Variants in COL27A1 observed in about 807,000 individuals in gnomAD.
COL27A1 encodes collagen type XXVII alpha 1 chain.
A neutral mutation model predicts 251.3 loss-of-function variants in COL27A1; 106 were observed. The ratio of observed to expected loss-of-function variants is 0.42; its 90% confidence interval spans 0.36 to 0.50. COL27A1 has a LOEUF of 0.50. Ranked by LOEUF, COL27A1 falls within the 20% of genes least tolerant of loss-of-function variation. The pLI is 0.00. For missense variants in COL27A1, 2,325 were observed against 2,522.8 expected, an observed-to-expected ratio of 0.92 and a Z score of 1.68; for synonymous variants, 1,000 against 986.3, an observed-to-expected ratio of 1.01 and a Z score of -0.26.
chr9:114,226,035 G>A (rs1475174107), intron 14 of COL27A1, among the ~76,000 whole-genome samples: 1 of 152,160 alleles, frequency 6.6e-6, no homozygotes, highest in East Asian at 1.9e-4. Context: ...CCTCCACACA[G>A]CCCTCTTTGA....
chr9:114,270,796 AG>A lies in COL27A1; in HGVS notation c.3609+18del. ...ATGGGCTGAAGGTAAGTGCCCTTTT[AG>A]GGCAGGGCCTGGGGACCCCGGCAGG... On this transcript the variant is annotated intron_variant, in intron 36 of 60. Coordinates refer to ENST00000356083, the MANE Select transcript of COL27A1 (RefSeq NM_032888.4). 6.2e-7 allele frequency: 1 copy of A among 1,608,480 alleles called. No homozygotes were observed.
At chr9:114,289,139 C>A (rs1327242412) in intron 44 of COL27A1, 103 bp from the exon 45 acceptor site, 1 of 1,274,538 alleles carries the variant, frequency 7.8e-7, no homozygotes, top group Admixed American at 2.2e-5. Context: ...AGAACCTGCA[C>A]CCCCAAACCC....
chr9:114,240,173 TC>T (rs1489810813), intron 19 of COL27A1, 46 bp from the exon 20 acceptor site: 1 of 1,540,134 alleles, frequency 6.5e-7, no homozygotes, highest in South Asian at 1.1e-5. Context: ...CCCGTAGCAC[TC>T]CCTTCACAGC....
At chr9:114,184,202 C>A (rs144206475) in intron 5 of COL27A1, among the ~76,000 whole-genome samples, 3 of 152,236 alleles carry the variant, frequency 2.0e-5, no homozygotes, top group Non-Finnish European at 2.9e-5. Context: ...AGAGCACCCC[C>A]GTGCTTTGGT....
chr9:114,275,782 C>G lies in COL27A1; in HGVS notation c.3717+14C>G, dbSNP rs916045242. On this transcript the variant is annotated intron_variant, in intron 37 of 60. Transcript: ENST00000356083. ...ACTGGTGTCCGGGTGAGTGTGCAGG[C>G]CCCTTGCAGCGCCTGGAGCTCTGGG... 1.3e-6 allele frequency: 2 copies of G among 1,501,718 alleles called. No homozygotes were observed. The highest frequency in any genetic ancestry group is 1.8e-6 in the Non-Finnish European group (2 of 1,108,964). The allele number at this position is 1,501,718 out of a possible 1,614,324, so 93.0% of individuals were successfully genotyped here. A position where few individuals can be genotyped will look rare whatever the true frequency, so the allele number is the denominator to read the frequency against.
In COL27A1 at chr9:114,155,853, C is replaced by G; in HGVS notation, c.-98C>G. On this transcript the variant is annotated 5_prime_UTR_variant, in exon 1 of 61. Transcript: ENST00000356083. The surrounding 1 kb of genome is among the most constrained non-coding windows in gnomAD (Gnocchi z 5.5). The stretch of plus-strand genomic sequence containing the variant: ...GCTGGGGGCGCGGGGGCCGCGCGCT[C>G]TAAGCCGGCCTGGCGCGGCGGGGCG... 1.0e-6 allele frequency: 1 copy of G among 976,692 alleles called. No individual in the cohort carries two copies. Among genetic ancestry groups the G allele is most frequent in the Non-Finnish European group, 1.2e-6 (1 of 808,920 alleles). 60.5% of individuals were successfully genotyped at this position (976,692 alleles called of 1,614,324 possible).
rs1234066123 is a variant in COL27A1 at position 114,301,553 on chromosome 9, C to T, written c.4809+91C>T. 1.9e-6 allele frequency: 3 copies of T among 1,541,846 alleles called. No individual in the cohort carries two copies. The East Asian group carries it at 6.8e-5, about 35-fold the overall frequency. On this transcript the variant is annotated intron_variant, in intron 54 of 60. Transcript: ENST00000356083. ...GGTGGTACATTCTCTCCCTCCGGACCTCCGTCATCCCGTCTGTGCCAGAGG... is the reference window on the plus strand; with the variant it reads ...GGTGGTACATTCTCTCCCTCCGGACTTCCGTCATCCCGTCTGTGCCAGAGG...
At chr9:114,189,394 G>C (rs1014621854) in intron 5 of COL27A1, among the ~76,000 whole-genome samples, 2 of 152,068 alleles carry the variant, frequency 1.3e-5, no homozygotes, top group Non-Finnish European at 2.9e-5. Context: ...TTTTATGCTA[G>C]TAAAATACCA....
At chr9:114,262,254 G>A (rs1366852765) in intron 28 of COL27A1, among the ~76,000 whole-genome samples, 2 of 152,208 alleles carry the variant, frequency 1.3e-5, no homozygotes, top group East Asian at 1.9e-4. Context: ...CAGTGTCCAC[G>A]TGAGCCTGAG....
chr9:114,284,719 T>C lies in COL27A1; in HGVS notation c.3934-5T>C, dbSNP rs200942565. ...CTCACTTCCCTCCTTCTTGTTTGCC[T>C]GCAGGGACACAAAGGCATTGTGGGA... On this transcript the variant is annotated splice_polypyrimidine_tract_variant and splice_region_variant and intron_variant, in intron 40 of 60. Coordinates refer to ENST00000356083, the MANE Select transcript of COL27A1 (RefSeq NM_032888.4). The C allele has an allele frequency of 7.9e-5, 128 of 1,614,166 alleles. No homozygotes were observed. The highest frequency in any genetic ancestry group is 1.1e-4 in the Non-Finnish European group (127 of 1,179,984).
chr9:114,208,579 A>G (rs1003017557), intron 10 of COL27A1, among the ~76,000 whole-genome samples: 8 of 152,256 alleles, frequency 5.3e-5, no homozygotes, highest in Admixed American at 4.6e-4. Flanking sequence ...CTCAATAAAC[A>G]TTAGCTTTTG....
chr9:114,223,959 T>A (rs182597588), intron 14 of COL27A1, among the ~76,000 whole-genome samples: 152 of 152,360 alleles, frequency 1.0e-3, no homozygotes, highest in Non-Finnish European at 1.9e-3. Context: ...CTATCCGGGT[T>A]ACTGAATTGA....
At chr9:114,269,737 C>T (rs368003766) in intron 35 of COL27A1, among the ~76,000 whole-genome samples, 1 of 151,668 alleles carries the variant, frequency 6.6e-6, no homozygotes, top group East Asian at 1.9e-4. Context: ...TCTCGAGGCA[C>T]AAGGAGCACA....
At chr9:114,287,988 T>C (rs966673425) in intron 41 of COL27A1, among the ~76,000 whole-genome samples, 4 of 151,874 alleles carry the variant, frequency 2.6e-5, no homozygotes, top group South Asian at 2.1e-4. Context: ...GCTGCTGGAG[T>C]TGGTGTTACT....
chr9:114,244,227 A>T (rs1832959055), intron 23 of COL27A1, among the ~76,000 whole-genome samples: 1 of 152,148 alleles, frequency 6.6e-6, no homozygotes, highest in African/African-American at 2.4e-5. Flanking sequence ...ATCCTGGCCA[A>T]CATGGCACCC....
chr9:114,165,128 A>T (rs2567722), intron 2 of COL27A1, among the ~76,000 whole-genome samples: 36,452 of 152,092 alleles, frequency 0.24, 4,584 homozygotes, highest in Middle Eastern at 0.37. Flanking sequence ...GTGTAGGCGC[A>T]CTTTATAGCC....
chr9:114,202,781 T>C (rs1189340402), intron 7 of COL27A1, among the ~76,000 whole-genome samples: 2 of 152,070 alleles, frequency 1.3e-5, no homozygotes, highest in Admixed American at 6.6e-5. Flanking sequence ...GAGCCAGCCC[T>C]GTGTTCATCC....
chr9:114,265,168 C>T (rs1342017393), intron 31 of COL27A1, 58 bp downstream of exon 31: 29 of 997,038 alleles, frequency 2.9e-5, no homozygotes, highest in East Asian at 2.3e-4. Flanking sequence ...GGGTGGGGGG[C>T]GGGTGCGGTG....
rs779029948 is a variant in COL27A1, at chr9:114,245,148, GTTTT to G, written c.2935-693_2935-690del. ...TGATGCAGTGGGAATGTGCATTCTT[GTTTT>G]TTTTTTTTTTTTTTTTTTTTTTTTG... On this transcript the variant is annotated intron_variant, in intron 23 of 60. Coordinates refer to ENST00000356083, the MANE Select transcript of COL27A1 (RefSeq NM_032888.4). Among the ~76,000 whole-genome samples, 30 of 101,306 alleles carry G rather than the reference GTTTT, an allele frequency of 3.0e-4. No homozygotes were observed. In the East Asian group the frequency reaches 3.4e-3, roughly 11 times the overall value. The allele number at this position is 101,306 out of a possible 152,430, so 66.5% of individuals were successfully genotyped here.
Sources: gnomAD v4.1 joint callset for allele counts (sites outside exome capture counted in the v4.1 genomes callset) on GRCh38, gnomAD v4.1.1 for gene constraint, Gnocchi (gnomAD v3.1) non-coding constraint, MANE v1.5 for transcripts, NCBI Gene and HGNC (gene_info 2026-07-23, HGNC 2026-07-21) for gene names.